IGSF10: variants seen among roughly 807,000 people sequenced by gnomAD.
IGSF10 encodes immunoglobulin superfamily member 10.
In IGSF10, 126 loss-of-function variants were observed where a neutral mutation model predicts 128.2. The observed-to-expected ratio is 0.98, with a 90% confidence interval of 0.85 to 1.14. The LOEUF (loss-of-function observed/expected upper bound fraction) is 1.14. Ranked by LOEUF, IGSF10 falls within the 50% of genes most tolerant of loss-of-function variation. The pLI is 0.00. For missense variants in IGSF10, 3,295 were observed against 3,149.8 expected, an observed-to-expected ratio of 1.05 and a Z score of -1.10; for synonymous variants, 1,185 against 1,146.2, an observed-to-expected ratio of 1.03 and a Z score of -0.68.
chr3:151,432,828 C>T (rs764706421), downstream of IGSF10: 29 of 1,595,048 alleles, frequency 1.8e-5, no homozygotes, highest in Middle Eastern at 5.0e-4. Flanking sequence ...GAAGACATGA[C>T]GTTTTATGTT....
chr3:151,550,127 A>G, the IGSF10 span, among the ~76,000 whole-genome samples: 2 of 152,192 alleles, frequency 1.3e-5, no homozygotes, highest in Non-Finnish European at 2.9e-5. Flanking sequence ...TAGTTCATTA[A>G]TAATTTGTCT....
At chr3:151,456,823 A>C (rs1721819207) in intron 4 of IGSF10, among the ~76,000 whole-genome samples, 1 of 152,218 alleles carries the variant, frequency 6.6e-6, no homozygotes, top group Non-Finnish European at 1.5e-5. Context: ...GAGGTAGTAG[A>C]AAACTTGCCT....
chr3:151,446,313 T>C lies in IGSF10; in HGVS notation c.3668A>G (p.His1223Arg). The C allele has an allele frequency of 6.2e-7, 1 of 1,614,092 alleles. No homozygotes were observed. The highest frequency in any genetic ancestry group is 8.5e-7 in the Non-Finnish European group (1 of 1,179,916). ...TGTGCTTTTTTGTAAACTAACTTTA[T>C]GTTGATTCCTTAATCTGCCTTTTGG... ...HNPKGRLRNQ[H>R]KVSLQKSTAV... The change falls in exon 6 of 8, where the codon CAT (histidine) becomes CGT (arginine). Residue 1223 changes from histidine (H) to arginine (R), a missense_variant. Transcript: ENST00000282466.
At chr3:151,461,279 G>C (rs1336951198), upstream of IGSF10, 1 of 985,164 alleles carries the variant, frequency 1.0e-6, no homozygotes, top group Non-Finnish European at 1.2e-6. Context: ...TTCAGTGGCC[G>C]CCCGTTCATT....
chr3:151,459,734 C>G (rs1485828412), intron 2 of IGSF10, among the ~76,000 whole-genome samples: 2 of 152,168 alleles, frequency 1.3e-5, no homozygotes, highest in East Asian at 1.9e-4. Context: ...ACCTAATTCT[C>G]TCCTGAAATG....
rs983200803 is a variant in IGSF10 at position 151,448,228 on chromosome 3, C to T, written c.1753G>A (p.Val585Ile). Reference sequence around the variant, plus strand: ...AGATCAAGTGTTTCACCAATGAAAACTGTGTGATGAATCCCATTTTCCTGA... The same window carrying T: ...AGATCAAGTGTTTCACCAATGAAAATTGTGTGATGAATCCCATTTTCCTGA... Reference protein sequence around the residue: ...AYQENGIHHTVFIGETLDLPC... With the variant: ...AYQENGIHHTIFIGETLDLPC... Residue 585 changes from valine to isoleucine, a missense_variant, in exon 6 of 8, where the codon GTT becomes ATT. Coordinates refer to ENST00000282466, the MANE Select transcript of IGSF10 (RefSeq NM_178822.5). 8.7e-6 allele frequency: 14 copies of T among 1,614,210 alleles called. No homozygotes were observed. The highest frequency in any genetic ancestry group is 1.1e-5 in the Non-Finnish European group (13 of 1,180,020).
At chr3:151,441,896 C>A (rs1380306870) in intron 7 of IGSF10, among the ~76,000 whole-genome samples, 3 of 152,096 alleles carry the variant, frequency 2.0e-5, no homozygotes, top group Non-Finnish European at 4.4e-5. Flanking sequence ...TCCGTCTCTA[C>A]TAAAAATACA....
intron 2 of IGSF10, among the ~76,000 whole-genome samples, chr3:151,459,646 G>A (rs1721958733): frequency 6.6e-6 from 1 of 152,060 alleles, no homozygotes; most frequent in Non-Finnish European, 1.5e-5. Flanking sequence ...GCATAACCAG[G>A]GAAGAAATAT....
At chr3:151,531,667 G>A in the IGSF10 span, among the ~76,000 whole-genome samples, 1 of 152,176 alleles carries the variant, frequency 6.6e-6, no homozygotes, top group African/African-American at 2.4e-5. Context: ...CAGAAACTCT[G>A]GGACACATCT....
chr3:151,446,268 G>GT lies in IGSF10; in HGVS notation c.3712dup (p.Thr1238AsnfsTer28). On this transcript the variant is annotated frameshift_variant, in exon 6 of 8. Transcript: ENST00000282466. LOFTEE classifies it high-confidence loss of function. The stretch of plus-strand genomic sequence containing the variant: ...TTTGTCTCTGGGTAAAGCAGGAGAT[G>GT]TTTTAGGAAGCATCACAGCTGTGCT... The GT allele has an allele frequency of 6.2e-7, 1 of 1,614,008 alleles. No individual in the cohort carries two copies. The highest frequency in any genetic ancestry group is 1.1e-5 in the South Asian group (1 of 91,072).
chr3:151,485,142 C>T, the IGSF10 span, among the ~76,000 whole-genome samples: 1 of 152,000 alleles, frequency 6.6e-6, no homozygotes, highest in East Asian at 1.9e-4. Context: ...AGTACAAGAA[C>T]TTCATGAAGC....
chr3:151,533,157 G>C, the IGSF10 span, among the ~76,000 whole-genome samples: 4 of 151,910 alleles, frequency 2.6e-5, no homozygotes, highest in African/African-American at 9.7e-5. Flanking sequence ...AAGGAAATAA[G>C]AGAGAACACA....
At chr3:151,452,637 A>G (rs1277584582) in intron 5 of IGSF10, among the ~76,000 whole-genome samples, 1 of 152,148 alleles carries the variant, frequency 6.6e-6, no homozygotes, top group Non-Finnish European at 1.5e-5. Flanking sequence ...ATAAATGCAT[A>G]TATGATGTGT....
chr3:151,607,876 A>G, the IGSF10 span, among the ~76,000 whole-genome samples: 1 of 133,238 alleles, frequency 7.5e-6, no homozygotes, highest in Non-Finnish European at 1.5e-5. Context: ...GCGCCACTGC[A>G]CTCCAGCCTG....
chr3:151,516,710 C>G, the IGSF10 span, among the ~76,000 whole-genome samples: 127,063 of 151,944 alleles, frequency 0.84, 53,227 homozygotes, highest in Middle Eastern at 0.95. Context: ...CATATGGGTT[C>G]AAGAGAACAT....
chr3:151,530,601 A>G, the IGSF10 span, among the ~76,000 whole-genome samples: 1 of 152,216 alleles, frequency 6.6e-6, no homozygotes, highest in African/African-American at 2.4e-5. Context: ...AGAATTTCAT[A>G]TCCAACCAAA....
chr3:151,619,430 A>ATGTGTGTGTGTGTG, the IGSF10 span, among the ~76,000 whole-genome samples: 143 of 144,322 alleles, frequency 9.9e-4, no homozygotes, highest in Non-Finnish European at 1.1e-3. Context: ...ATTACTTTTA[A>ATGTGTGTGTGTGTG]TGTGTGTGTG....
the IGSF10 span, among the ~76,000 whole-genome samples, chr3:151,468,802 G>A: frequency 4.6e-5 from 7 of 152,212 alleles, no homozygotes; most frequent in African/African-American, 1.7e-4. Context: ...GTAAATGTGT[G>A]TCATGGTGGT....
At chr3:151,438,988 C>T (rs1720664726) in intron 7 of IGSF10, among the ~76,000 whole-genome samples, 1 of 152,036 alleles carries the variant, frequency 6.6e-6, no homozygotes, top group South Asian at 2.1e-4. Flanking sequence ...AGCTTATTGT[C>T]TTCTAAGCCA....
Sources: allele counts gnomAD v4.1 joint callset (sites outside exome capture counted in the v4.1 genomes callset), GRCh38; gene constraint gnomAD v4.1.1; transcripts MANE v1.5; gene names NCBI Gene and HGNC (gene_info 2026-07-23, HGNC 2026-07-21).